The following RUNX1 variants were observed in gnomAD, a reference collection of about 807,000 sequenced individuals.
RUNX1 encodes runt-related transcription factor 1.
Under a neutral mutation model 42.8 loss-of-function variants are expected in RUNX1, and 19 were observed. The observed-to-expected ratio is 0.44, with a 90% CI of 0.31 to 0.65. The LOEUF is 0.65. Ranked by LOEUF, RUNX1 falls within the 30% of genes least tolerant of loss-of-function variation. RUNX1 has a pLI of 0.07. For synonymous variants in RUNX1, 271 were observed against 289.4 expected (o/e 0.94, Z 0.64); for missense variants, 528 against 672.0 (o/e 0.79, Z 2.37).
intron 2 of RUNX1, among the ~76,000 whole-genome samples, chr21:34,951,939 G>A (rs546084698): frequency 2.6e-5 from 4 of 152,250 alleles, no homozygotes; most frequent in African/African-American, 9.6e-5. Context: ...TATGTTTCTT[G>A]CGGCATTATT....
intron 2 of RUNX1, among the ~76,000 whole-genome samples, chr21:34,961,604 G>T (rs1290010760): frequency 6.6e-6 from 1 of 152,096 alleles, no homozygotes; most frequent in African/African-American, 2.4e-5. Flanking sequence ...GCAGGACAGA[G>T]GAAAGTGACT....
At chr21:35,042,896 T>C (rs2059369604) in intron 2 of RUNX1, among the ~76,000 whole-genome samples, 1 of 152,256 alleles carries the variant, frequency 6.6e-6, no homozygotes, top group South Asian at 2.1e-4. Flanking sequence ...ATTTCCGTCA[T>C]GTTTCGGATT....
chr21:34,901,370 C>T lies in RUNX1; in HGVS notation c.59-8407G>A, dbSNP rs905663955. Among the ~76,000 whole-genome samples, 1 of 151,898 alleles carries T rather than the reference C, an allele frequency of 6.6e-6. No homozygotes were observed. The highest frequency in any genetic ancestry group is 1.9e-4 in the East Asian group (1 of 5,188). Reference sequence around the variant, plus strand: ...ACTGAAAATAAAAAAAGTAGCTGGGCGTGGTGGCGGCGCGTGCCTGTAGTC... The same window carrying T: ...ACTGAAAATAAAAAAAGTAGCTGGGTGTGGTGGCGGCGCGTGCCTGTAGTC... On this transcript the variant is annotated intron_variant, in intron 2 of 8. Coordinates refer to ENST00000675419, the MANE Select transcript of RUNX1 (RefSeq NM_001754.5). The surrounding 1 kb of genome is among the most constrained non-coding windows in gnomAD (Gnocchi z 4.3).
chr21:34,885,976 G>A (rs2057979080), intron 4 of RUNX1, among the ~76,000 whole-genome samples: 2 of 152,214 alleles, frequency 1.3e-5, no homozygotes, highest in African/African-American at 4.8e-5. Context: ...CCCTGTTGAA[G>A]GTCAAGGTTT....
intron 2 of RUNX1, among the ~76,000 whole-genome samples, chr21:34,931,336 T>TA (rs2058443350): frequency 2.1e-5 from 3 of 143,352 alleles, no homozygotes; most frequent in South Asian, 2.1e-4. Context: ...ATATACACAT[T>TA]TATATATATA....
chr21:34,975,565 T>C (rs2058795486), intron 2 of RUNX1, among the ~76,000 whole-genome samples: 1 of 152,046 alleles, frequency 6.6e-6, no homozygotes, highest in Non-Finnish European at 1.5e-5. Flanking sequence ...TCCAGAGGGG[T>C]CCTGAAACCA....
chr21:34,835,651 C>T (rs928114775), intron 6 of RUNX1, among the ~76,000 whole-genome samples: 1 of 152,172 alleles, frequency 6.6e-6, no homozygotes, highest in African/African-American at 2.4e-5. Flanking sequence ...CCATTCATTT[C>T]TCTTTTAAAG....
chr21:34,890,601 C>G (rs76056678), intron 3 of RUNX1, among the ~76,000 whole-genome samples: 1 of 152,192 alleles, frequency 6.6e-6, no homozygotes, highest in Non-Finnish European at 1.5e-5. Flanking sequence ...TCCGCCTCCG[C>G]TCCCCCTGGG....
chr21:35,026,927 C>G (rs1436682385), intron 2 of RUNX1, among the ~76,000 whole-genome samples: 1 of 152,244 alleles, frequency 6.6e-6, no homozygotes, highest in Non-Finnish European at 1.5e-5. Context: ...TTTTCTCGCT[C>G]TCGCAACCCT....
intron 7 of RUNX1, among the ~76,000 whole-genome samples, chr21:34,808,684 G>A (rs1404018486): frequency 6.6e-6 from 1 of 152,138 alleles, no homozygotes; most frequent in Non-Finnish European, 1.5e-5. Context: ...CTCTATAAAC[G>A]CAAAATGCAA....
intron 2 of RUNX1, among the ~76,000 whole-genome samples, chr21:34,897,478 G>A (rs2058139969): frequency 6.6e-6 from 1 of 152,170 alleles, no homozygotes; most frequent in South Asian, 2.1e-4. Context: ...AGATCCTTCT[G>A]CCTCAGGTGA....
At position 34,859,579 on chromosome 21, in the gene RUNX1, C is replaced by T. The variant is rs2146237033; in HGVS notation, c.509-1G>A. ...GTGATGGTCAGAGTGAAGCTTTTCC[C>T]TGTGGGGACACGATAGAGAACAAAA... On this transcript the variant is annotated splice_acceptor_variant, in intron 5 of 8. Transcript: ENST00000675419. LOFTEE classifies it high-confidence loss of function. 6.2e-7 allele frequency: 1 copy of T among 1,611,804 alleles called. No homozygotes were observed. Among genetic ancestry groups the T allele is most frequent in the Non-Finnish European group, 8.5e-7 (1 of 1,177,864 alleles).
At chr21:35,038,383 TTTACACTTC>T (rs982757066) in intron 2 of RUNX1, 1 of 359,510 alleles carries the variant, frequency 2.8e-6, no homozygotes, top group Non-Finnish European at 5.5e-6. Flanking sequence ...CTGAGTGGAG[TTTACACTTC>T]AACATGGACT....
At chr21:34,892,855 ATATAAAATCATATACACATCTATGAAGG>A in intron 3 of RUNX1, 42 bp downstream of exon 3, 1 of 888,122 alleles carries the variant, frequency 1.1e-6, no homozygotes, top group Non-Finnish European at 1.8e-6. Context: ...AGATACATAG[ATATAAAATCATATACACATCTATGAAGG>A]TGTGTACTTT....
chr21:35,012,105 G>A (rs983922100), intron 2 of RUNX1, among the ~76,000 whole-genome samples: 7 of 152,150 alleles, frequency 4.6e-5, no homozygotes, highest in African/African-American at 7.2e-5. Flanking sequence ...AAATATGATC[G>A]TTAGCTTAAT....
chr21:34,977,497 A>G lies in RUNX1; in HGVS notation c.58+71345T>C, dbSNP rs146473016. Among the ~76,000 whole-genome samples, 18 of 152,388 alleles carry G rather than the reference A, an allele frequency of 1.2e-4. No homozygotes were observed. The East Asian group carries it at 3.5e-3, about 29-fold the overall frequency. On this transcript the variant is annotated intron_variant, in intron 2 of 8. Coordinates refer to ENST00000675419, the MANE Select transcript of RUNX1 (RefSeq NM_001754.5). ...TTGGTCAAGTCACTCCAAGACTCCT[A>G]TCAGCCAAAACTATAATTTGATGGT... is the stretch of plus-strand genomic sequence containing the variant.
At chr21:34,821,567 AG>A in intron 7 of RUNX1, 1 of 1,543,224 alleles carries the variant, frequency 6.5e-7, no homozygotes, top group Non-Finnish European at 8.8e-7. Flanking sequence ...GTGCATTCTG[AG>A]GGCTGTCATC....
At chr21:35,020,370 T>C (rs1402188113) in intron 2 of RUNX1, among the ~76,000 whole-genome samples, 4 of 152,266 alleles carry the variant, frequency 2.6e-5, no homozygotes, top group Middle Eastern at 3.4e-3. Context: ...TGCTTCTGTG[T>C]TTGGGTTTGA....
intron 2 of RUNX1, among the ~76,000 whole-genome samples, chr21:34,962,575 TTG>T (rs1184766306): frequency 8.4e-6 from 1 of 118,836 alleles, no homozygotes; most frequent in African/African-American, 2.8e-5. Context: ...TGATTGTTGT[TTG>T]TGTGTTTTTT....
Sources: allele counts gnomAD v4.1 joint callset (sites outside exome capture counted in the v4.1 genomes callset), GRCh38; gene constraint gnomAD v4.1.1; non-coding constraint Gnocchi (gnomAD v3.1); transcripts MANE v1.5; gene names NCBI Gene and HGNC (gene_info 2026-07-23, HGNC 2026-07-21).